The following ACTR5 variants were observed in gnomAD, a reference collection of about 807,000 sequenced individuals.
ACTR5 encodes the protein actin-related protein 5.
A neutral mutation model predicts 61.2 loss-of-function variants in ACTR5; 43 were observed. That is an observed-to-expected ratio of 0.70 (90% CI 0.55 to 0.91). The LOEUF is 0.91. Among genes scored for constraint, ACTR5 ranks in the 40% least tolerant of loss-of-function variants. ACTR5 has a pLI of 0.00. For missense variants in ACTR5, 798 were observed against 782.2 expected, an observed-to-expected ratio of 1.02 and a Z score of -0.24; for synonymous variants, 333 against 310.5, an observed-to-expected ratio of 1.07 and a Z score of -0.76.
chr20:38,759,457 C>G (rs1189304057), intron 5 of ACTR5, among the ~76,000 whole-genome samples: 2 of 152,212 alleles, frequency 1.3e-5, no homozygotes, highest in East Asian at 3.8e-4. Context: ...CTTTGTTCCT[C>G]TCTGCGACTT....
chr20:38,762,590 A>G (rs2145673430), intron 5 of ACTR5, among the ~76,000 whole-genome samples: 1 of 152,256 alleles, frequency 6.6e-6, no homozygotes, highest in East Asian at 1.9e-4. Flanking sequence ...GCCCAAGTGG[A>G]AAGAGTACTG....
intron 5 of ACTR5, 27 bp downstream of exon 5, chr20:38,756,066 C>T: frequency 1.3e-6 from 2 of 1,591,640 alleles, no homozygotes; most frequent in Non-Finnish European, 1.7e-6. Flanking sequence ...GAAGGAGCAG[C>T]CCTTCTTGAG....
chr20:38,750,013 T>G lies in ACTR5; in HGVS notation c.379T>G (p.Cys127Gly). 1.9e-6 allele frequency: 3 copies of G among 1,613,458 alleles called. No individual in the cohort carries two copies. The highest frequency in any genetic ancestry group is 2.5e-6 in the Non-Finnish European group (3 of 1,179,362). Residue 127 changes from cysteine (C) to glycine (G), a missense_variant, in exon 2 of 9, where the codon TGT becomes GGT. Transcript: ENST00000243903. ...FQHLGVSSQGCVDHPIVLTEA... is the reference protein window; with the variant it reads ...FQHLGVSSQGGVDHPIVLTEA... Reference sequence around the variant, plus strand: ...TTGCCCTTTTCTTTCAAAGTAGGGCTGTGTTGATCATCCCATAGTTTTGAC... The same window carrying G: ...TTGCCCTTTTCTTTCAAAGTAGGGCGGTGTTGATCATCCCATAGTTTTGAC...
At chr20:38,760,846 T>A (rs1283930519) in intron 5 of ACTR5, among the ~76,000 whole-genome samples, 3 of 149,652 alleles carry the variant, frequency 2.0e-5, no homozygotes, top group African/African-American at 7.4e-5. Flanking sequence ...TTTGAGCACC[T>A]TTTTTTTTTC....
rs955724579 is a variant in ACTR5, at chr20:38,763,361, C to T, written c.1177-2041C>T. ...TCTTGTGAGGGAAGCTGAGAGTCTT[C>T]CAGATCACAAACTGCAGATGGCAAG... On this transcript the variant is annotated intron_variant, in intron 5 of 8. Transcript: ENST00000243903. Among the ~76,000 whole-genome samples the T allele has an allele frequency of 5.9e-5, 9 of 152,214 alleles. 1 individual carries two copies. Among genetic ancestry groups the T allele is most frequent in the Middle Eastern group, 6.3e-3 (2 of 316 alleles).
intron 5 of ACTR5, among the ~76,000 whole-genome samples, chr20:38,764,012 A>C (rs939618585): frequency 1.3e-5 from 2 of 151,946 alleles, no homozygotes; most frequent in Non-Finnish European, 2.9e-5. Flanking sequence ...TTTAGAGTAC[A>C]TTGTCACCCA....
At chr20:38,763,365 A>G (rs148573481) in intron 5 of ACTR5, among the ~76,000 whole-genome samples, 183 of 152,296 alleles carry the variant, frequency 1.2e-3, no homozygotes, top group African/African-American at 4.1e-3. Flanking sequence ...AGTCTTCCAG[A>G]TCACAAACTG....
rs2084513575 is a variant in ACTR5, at chr20:38,770,524, A to G, written c.1567-1035A>G. ...TTTTCACTTTCAAATTATTATGACA[A>G]TTTTTTTATATCAATAGGTACATTT... is the stretch of plus-strand genomic sequence containing the variant. On this transcript the variant is annotated intron_variant, in intron 8 of 8. Coordinates refer to ENST00000243903, the MANE Select transcript of ACTR5 (RefSeq NM_024855.4). Among the ~76,000 whole-genome samples the G allele has an allele frequency of 2.0e-5, 3 of 152,024 alleles. No homozygotes were observed. The South Asian group carries it at 6.2e-4, about 32-fold the overall frequency.
chr20:38,771,597 C>T lies in ACTR5; in HGVS notation c.1605C>T (p.Tyr535=), dbSNP rs777011873. ...CGAACCCTGTGCTGGATGCCTGGTA[C>T]GGTGCTCGTGACTGGGCCTTGAACC... ...LASNPVLDAW[Y]GARDWALNHL... The change falls in exon 9 of 9, where the codon TAC becomes TAT. Residue 535 remains tyrosine, a synonymous_variant. Transcript: ENST00000243903. 1.5e-5 allele frequency: 25 copies of T among 1,613,974 alleles called. No individual in the cohort carries two copies. Among genetic ancestry groups the T allele is most frequent in the Admixed American group, 5.0e-5 (3 of 59,994 alleles).
chr20:38,751,823 C>G (rs756180781), intron 2 of ACTR5, among the ~76,000 whole-genome samples: 4 of 152,104 alleles, frequency 2.6e-5, no homozygotes, highest in Non-Finnish European at 4.4e-5. Context: ...AAAATTTCCC[C>G]CAGCTAATTC....
rs774190205 is a variant in ACTR5 at position 38,755,896 on chromosome 20, G to T, written c.1033G>T (p.Ala345Ser). 4 of 1,614,186 alleles carry T rather than the reference G, an allele frequency of 2.5e-6. No individual in the cohort carries two copies. Among genetic ancestry groups the T allele is most frequent in the Non-Finnish European group, 2.5e-6 (3 of 1,180,038 alleles). ...TGGCCAGATGGATCAGTTTCACAAA[G>T]CTCTGATAGAGCTGAATATGGACTC... ...EDGQMDQFHKALIELNMDSPE... is the reference protein window; with the variant it reads ...EDGQMDQFHKSLIELNMDSPE... Residue 345 changes from alanine (A) to serine (S), a missense_variant, in exon 5 of 9, where the codon GCT becomes TCT. Transcript: ENST00000243903.
At chr20:38,751,931 T>C (rs901832075) in intron 2 of ACTR5, among the ~76,000 whole-genome samples, 200 bp from the exon 3 acceptor site, 1 of 152,178 alleles carries the variant, frequency 6.6e-6, no homozygotes, top group Non-Finnish European at 1.5e-5. Context: ...CGTGTGACTG[T>C]ATGGGTGAGC....
At chr20:38,766,479 C>T (rs1601203684) in intron 7 of ACTR5, 102 bp downstream of exon 7, 1 of 1,369,730 alleles carries the variant, frequency 7.3e-7, no homozygotes, top group East Asian at 2.4e-5. Context: ...AAATGCATCT[C>T]ACTCTCTTCT....
intron 5 of ACTR5, among the ~76,000 whole-genome samples, chr20:38,758,492 G>T (rs979403046): frequency 2.6e-5 from 4 of 152,010 alleles, no homozygotes; most frequent in Non-Finnish European, 5.9e-5. Context: ...ACTGAAAATA[G>T]AAAAATTAGC....
intron 3 of ACTR5, among the ~76,000 whole-genome samples, chr20:38,754,405 C>G (rs2084405487): frequency 6.6e-6 from 1 of 151,974 alleles, no homozygotes; most frequent in Admixed American, 6.6e-5. Flanking sequence ...GTCTGAAATG[C>G]TGGTACTGAC....
In ACTR5 at chr20:38,758,756, G is replaced by C. The variant is rs538898092; in HGVS notation, c.1176+2717G>C. ...GAGTCAATTACAGTCACATTTGTGG[G>C]ATAAACTTGACCATGACAATGGCTA... On this transcript the variant is annotated intron_variant, in intron 5 of 8. Transcript: ENST00000243903. Among the ~76,000 whole-genome samples, 35 of 152,256 alleles carry C rather than the reference G, an allele frequency of 2.3e-4. No individual in the cohort carries two copies. The South Asian group carries it at 7.0e-3, about 31-fold the overall frequency.
chr20:38,752,062 T>A, intron 2 of ACTR5, 69 bp from the exon 3 acceptor site: 1 of 1,509,596 alleles, frequency 6.6e-7, no homozygotes, highest in Non-Finnish European at 9.0e-7. Flanking sequence ...ATTATCTTGT[T>A]TCTCCCAAGA....
chr20:38,754,636 G>A (rs1054935802), intron 3 of ACTR5, among the ~76,000 whole-genome samples: 4 of 152,102 alleles, frequency 2.6e-5, no homozygotes, highest in Admixed American at 6.5e-5. Context: ...GGAGAATGGC[G>A]TGAACCCGGG....
chr20:38,761,038 C>T (rs1271425539), intron 5 of ACTR5, among the ~76,000 whole-genome samples: 1 of 152,084 alleles, frequency 6.6e-6, no homozygotes, highest in African/African-American at 2.4e-5. Context: ...ACCTCAGCCT[C>T]CCTAGTAGCT....
Sources: allele counts gnomAD v4.1 joint callset (sites outside exome capture counted in the v4.1 genomes callset), GRCh38; gene constraint gnomAD v4.1.1; transcripts MANE v1.5; gene names NCBI Gene and HGNC (gene_info 2026-07-23, HGNC 2026-07-21).